Variants in ME2 observed in about 807,000 individuals in gnomAD.
The protein encoded by ME2 is NAD-dependent malic enzyme, mitochondrial.
A neutral mutation model predicts 73.7 loss-of-function variants in ME2; 60 were observed. The observed-to-expected ratio is 0.81, with a 90% CI of 0.66 to 1.01. ME2 has a LOEUF of 1.01. ME2 is among the 50% of genes least tolerant of loss of function. The pLI, the probability that ME2 is intolerant of heterozygous loss-of-function variation, is 0.00. For missense variants in ME2, 594 were observed against 705.5 expected (o/e 0.84, Z 1.79); for synonymous variants, 199 against 236.9 (o/e 0.84, Z 1.47).
chr18:50,933,665 A>C (rs1455861577), intron 13 of ME2: 2 of 152,084 alleles, frequency 1.3e-5, no homozygotes, highest in African/African-American at 4.8e-5. Context: ...TATTTTTTTA[A>C]ACTTTTTTTT....
In ME2 at chr18:50,932,360, G is replaced by C; in HGVS notation, c.1417G>C (p.Gly473Arg). The change falls in exon 13 of 16, where the codon GGT becomes CGT. Residue 473 changes from glycine to arginine, a missense_variant and splice_region_variant. Coordinates refer to ENST00000321341, the MANE Select transcript of ME2 (RefSeq NM_002396.5). Reference protein sequence around the residue: ...GQGNNVYIFPGVALAVILCNT... With the variant: ...GQGNNVYIFPRVALAVILCNT... The stretch of plus-strand genomic sequence containing the variant: ...AGGAAACAATGTTTATATTTTTCCA[G>C]GTAAATGCCACCATTATTTATGTTA... The C allele has an allele frequency of 1.9e-6, 3 of 1,606,046 alleles. No homozygotes were observed. Among genetic ancestry groups the C allele is most frequent in the Non-Finnish European group, 2.6e-6 (3 of 1,173,586 alleles).
intron 3 of ME2, among the ~76,000 whole-genome samples, chr18:50,910,567 A>G (rs1034756623): frequency 1.4e-4 from 21 of 152,178 alleles, no homozygotes; most frequent in African/African-American, 3.9e-4. Context: ...TTATTTTTCC[A>G]TAGAAAAAAT....
chr18:50,887,933 T>TA (rs1916512772), intron 1 of ME2, among the ~76,000 whole-genome samples: 2 of 152,068 alleles, frequency 1.3e-5, no homozygotes, highest in African/African-American at 4.8e-5. Flanking sequence ...CTGGTGACCA[T>TA]AAAACAGAAC....
chr18:50,903,624 A>T (rs1916941895), intron 2 of ME2, among the ~76,000 whole-genome samples: 1 of 151,878 alleles, frequency 6.6e-6, no homozygotes, highest in Non-Finnish European at 1.5e-5. Context: ...TAATTTTTGT[A>T]TTTTTGTAGA....
chr18:50,946,915 A>T (rs1398198824), intron 15 of ME2, 102 bp from the exon 16 acceptor site: 1 of 815,964 alleles, frequency 1.2e-6, no homozygotes, highest in African/African-American at 1.7e-5. Flanking sequence ...AAAAAAGAAG[A>T]ATGCCATTCT....
intron 12 of ME2, among the ~76,000 whole-genome samples, chr18:50,928,655 G>T (rs978517593): frequency 1.3e-5 from 2 of 152,166 alleles, no homozygotes; most frequent in Admixed American, 6.5e-5. Context: ...CAAGTAGATC[G>T]CCATAATCCA....
chr18:50,895,739 T>C, intron 1 of ME2, 70 bp from the exon 2 acceptor site: 1 of 945,808 alleles, frequency 1.1e-6, no homozygotes, highest in Non-Finnish European at 1.6e-6. Flanking sequence ...TTTTGAAAAC[T>C]GATACCCGAT....
rs1248362982 is a variant in ME2 at position 50,950,505 on chromosome 18, CTCTT to C, written c.*3327_*3330del. On this transcript the variant is annotated 3_prime_UTR_variant, in exon 16 of 16. Coordinates refer to ENST00000321341, the MANE Select transcript of ME2 (RefSeq NM_002396.5). The stretch of plus-strand genomic sequence containing the variant: ...TTTTTTTTTTTTTTTTAAACAGGGT[CTCTT>C]TCTTTTTCCTTTCTCACTCAGGCTG... 8 of 23,754 alleles carry C rather than the reference CTCTT, an allele frequency of 3.4e-4. No homozygotes were observed. The highest frequency in any genetic ancestry group is 7.0e-4 in the Non-Finnish European group (8 of 11,402). The allele number at this position is 23,754 out of a possible 1,614,324, so 1.5% of individuals were successfully genotyped here. A position where few individuals can be genotyped will look rare whatever the true frequency, so the allele number is the denominator to read the frequency against.
chr18:50,907,836 T>A (rs1917050854), intron 2 of ME2, among the ~76,000 whole-genome samples: 1 of 152,222 alleles, frequency 6.6e-6, no homozygotes, highest in Non-Finnish European at 1.5e-5. Context: ...TTTAAAACTG[T>A]CTTCCAAAGG....
At chr18:50,938,476 A>C (rs972621543) in intron 13 of ME2, among the ~76,000 whole-genome samples, 1 of 152,230 alleles carries the variant, frequency 6.6e-6, no homozygotes, top group Non-Finnish European at 1.5e-5. Context: ...TGAAGGAAAA[A>C]TATTTCCAAG....
intron 9 of ME2, 96 bp downstream of exon 9, chr18:50,920,854 C>A: frequency 1.0e-6 from 1 of 953,056 alleles, no homozygotes; most frequent in Non-Finnish European, 1.6e-6. Context: ...GCATAGTGAG[C>A]CTGTAATTTT....
At chr18:50,931,122 T>C (rs768511350) in intron 12 of ME2, among the ~76,000 whole-genome samples, 1 of 152,204 alleles carries the variant, frequency 6.6e-6, no homozygotes, top group East Asian at 1.9e-4. Context: ...TAAAGAATAA[T>C]AACACAATTA....
chr18:50,886,484 TC>T (rs1191468812), intron 1 of ME2, among the ~76,000 whole-genome samples: 6 of 152,088 alleles, frequency 3.9e-5, no homozygotes, highest in Non-Finnish European at 7.4e-5. Context: ...CCTCAAGTGA[TC>T]CGCTCACCTC....
intron 1 of ME2, among the ~76,000 whole-genome samples, chr18:50,886,957 T>C (rs866032215): frequency 2.0e-5 from 3 of 152,058 alleles, no homozygotes; most frequent in African/African-American, 7.3e-5. Flanking sequence ...GCTGAGATCG[T>C]GCCACTGCAC....
At chr18:50,898,084 A>G (rs592209) in intron 2 of ME2, among the ~76,000 whole-genome samples, 103,933 of 152,022 alleles carry the variant, frequency 0.68, 35,959 homozygotes, top group African/African-American at 0.79. Flanking sequence ...AAGAAATCTC[A>G]TTTGTGCTTC....
intron 1 of ME2, among the ~76,000 whole-genome samples, chr18:50,891,814 A>ATT (rs199728259): frequency 5.0e-5 from 7 of 140,840 alleles, no homozygotes; most frequent in East Asian, 2.1e-4. Flanking sequence ...TGGACTTATA[A>ATT]TTTTTTTTTT....
In ME2 at chr18:50,932,403, A is replaced by G. The variant is rs760610341; in HGVS notation, c.1417+43A>G. 4.8e-6 allele frequency: 7 copies of G among 1,450,176 alleles called. No homozygotes were observed. The South Asian group carries it at 7.1e-5, about 15-fold the overall frequency. 89.8% of individuals were successfully genotyped at this position (1,450,176 alleles called of 1,614,324 possible). A position where few individuals can be genotyped will look rare whatever the true frequency, so the allele number is the denominator to read the frequency against. ...TTATGTTATAGAGCAATAGTTAATTATGTAAAAATACTTAATGGAATTCTT... is the reference window on the plus strand; with the variant it reads ...TTATGTTATAGAGCAATAGTTAATTGTGTAAAAATACTTAATGGAATTCTT... On this transcript the variant is annotated intron_variant, in intron 13 of 15. Coordinates refer to ENST00000321341, the MANE Select transcript of ME2 (RefSeq NM_002396.5).
chr18:50,918,260 G>A (rs373503177), intron 7 of ME2, 47 bp downstream of exon 7: 2 of 1,303,544 alleles, frequency 1.5e-6, no homozygotes, highest in Non-Finnish European at 2.2e-6. Flanking sequence ...TAATGGGGTG[G>A]GTGGGGTAAG....
intron 13 of ME2, 120 bp from the exon 14 acceptor site, chr18:50,939,450 T>G: frequency 1.7e-6 from 1 of 594,264 alleles, no homozygotes; most frequent in Admixed American, 3.1e-5. Context: ...GGCTGTTTTC[T>G]GTTTGGGGGG....
Sources: allele counts gnomAD v4.1 joint callset (sites outside exome capture counted in the v4.1 genomes callset), GRCh38; gene constraint gnomAD v4.1.1; transcripts MANE v1.5; gene names NCBI Gene and HGNC (gene_info 2026-07-23, HGNC 2026-07-21).